GRM5: variants seen among roughly 807,000 people sequenced by gnomAD.
GRM5 encodes the protein glutamate metabotropic receptor 5, also known as metabotropic glutamate receptor 5.
In GRM5, 19 loss-of-function variants were observed where a neutral mutation model predicts 83.1. The observed-to-expected ratio is 0.23, with a 90% CI of 0.16 to 0.34. GRM5 has a LOEUF of 0.34. GRM5 is among the 10% of genes least tolerant of loss of function. The pLI is 1.00. For synonymous variants in GRM5, 675 were observed against 633.6 expected (o/e 1.07, Z -0.98); for missense variants, 1,160 against 1,588.3 (o/e 0.73, Z 4.58).
chr11:88,742,310 GAAT>G (rs755094101), intron 3 of GRM5, among the ~76,000 whole-genome samples: 21 of 151,760 alleles, frequency 1.4e-4, no homozygotes, highest in South Asian at 8.4e-4. Flanking sequence ...AAATAAGCAG[GAAT>G]AATATCATCA....
chr11:88,640,793 T>C (rs190700927), intron 4 of GRM5, among the ~76,000 whole-genome samples: 348 of 152,090 alleles, frequency 2.3e-3, no homozygotes, highest in African/African-American at 7.7e-3. Flanking sequence ...GGGGGAGGGG[T>C]GTGGAGCTTC....
At chr11:88,830,092 G>T (rs906358970) in intron 3 of GRM5, among the ~76,000 whole-genome samples, 2 of 151,754 alleles carry the variant, frequency 1.3e-5, no homozygotes, top group African/African-American at 4.8e-5. Context: ...ATAATGGAAA[G>T]AAGAAAACAA....
At chr11:88,867,090 G>A (rs929904089) in intron 2 of GRM5, among the ~76,000 whole-genome samples, 15 of 152,068 alleles carry the variant, frequency 9.9e-5, no homozygotes, top group South Asian at 2.1e-4. Flanking sequence ...TGAGTACCAC[G>A]CTGTTTTGGT....
intron 2 of GRM5, among the ~76,000 whole-genome samples, chr11:88,901,626 G>A (rs376248340): frequency 7.9e-5 from 12 of 152,224 alleles, no homozygotes; most frequent in African/African-American, 2.2e-4. Flanking sequence ...AGCTCTGAAA[G>A]TGCCAGGGAA....
chr11:88,576,281 C>T (rs1943108563), intron 7 of GRM5, among the ~76,000 whole-genome samples: 1 of 152,126 alleles, frequency 6.6e-6, no homozygotes, highest in South Asian at 2.1e-4. Flanking sequence ...ACAGGTTCCT[C>T]TCATGTGGTC....
At chr11:88,846,673 T>C (rs11021588) in intron 3 of GRM5, among the ~76,000 whole-genome samples, 3,792 of 151,986 alleles carry the variant, frequency 0.025, 139 homozygotes, top group African/African-American at 0.087. Flanking sequence ...GCTCTAAATA[T>C]AGCCTTTTTT....
intron 7 of GRM5, among the ~76,000 whole-genome samples, chr11:88,579,622 A>T (rs1263188669): frequency 6.6e-6 from 1 of 152,192 alleles, no homozygotes; most frequent in Non-Finnish European, 1.5e-5. Flanking sequence ...TTACCCTGGG[A>T]TAAGAGCCTT....
At chr11:88,523,725 A>G (rs1941770178) in intron 9 of GRM5, among the ~76,000 whole-genome samples, 1 of 152,220 alleles carries the variant, frequency 6.6e-6, no homozygotes, top group Non-Finnish European at 1.5e-5. Flanking sequence ...ATGATTGCTC[A>G]AACTGTATGC....
At chr11:88,989,114 C>A (rs1386869658) in intron 2 of GRM5, among the ~76,000 whole-genome samples, 2 of 149,056 alleles carry the variant, frequency 1.3e-5, no homozygotes, top group African/African-American at 4.9e-5. Context: ...TTCAGGAAAC[C>A]CATCTCACGT....
At chr11:88,824,757 G>A (rs920632078) in intron 3 of GRM5, among the ~76,000 whole-genome samples, 2 of 152,116 alleles carry the variant, frequency 1.3e-5, no homozygotes, top group South Asian at 2.1e-4. Context: ...CCACAGACCT[G>A]TACTGGCCCT....
At chr11:88,992,437 A>G (rs1940011777) in intron 2 of GRM5, among the ~76,000 whole-genome samples, 1 of 152,156 alleles carries the variant, frequency 6.6e-6, no homozygotes, top group Non-Finnish European at 1.5e-5. Flanking sequence ...AACTAGTTCA[A>G]CCATTGTGGA....
chr11:88,519,814 G>A (rs1194760182), intron 9 of GRM5, among the ~76,000 whole-genome samples: 2 of 152,160 alleles, frequency 1.3e-5, no homozygotes, highest in Non-Finnish European at 1.5e-5. Flanking sequence ...TGGATAGTAA[G>A]AGCACATGCT....
At chr11:89,023,253 G>A (rs1317105222) in intron 2 of GRM5, among the ~76,000 whole-genome samples, 1 of 151,974 alleles carries the variant, frequency 6.6e-6, no homozygotes, top group Admixed American at 6.6e-5. Flanking sequence ...CATCAGGGGG[G>A]TAATTGTTAT....
chr11:88,891,452 G>C (rs1945143053), intron 2 of GRM5, among the ~76,000 whole-genome samples: 1 of 151,934 alleles, frequency 6.6e-6, no homozygotes, highest in South Asian at 2.1e-4. Flanking sequence ...AGATTGTTCA[G>C]GGGGCCCCTG....
intron 4 of GRM5, among the ~76,000 whole-genome samples, chr11:88,632,407 AT>A (rs1234357471): frequency 6.6e-6 from 1 of 151,594 alleles, no homozygotes; most frequent in Non-Finnish European, 1.5e-5. Flanking sequence ...CAATGTTTCT[AT>A]TTTTTTGTAG....
intron 2 of GRM5, among the ~76,000 whole-genome samples, chr11:88,935,131 C>T (rs1029256807): frequency 6.6e-6 from 1 of 151,948 alleles, no homozygotes; most frequent in Non-Finnish European, 1.5e-5. Context: ...GATTTGGTGA[C>T]TTCACCAAGC....
At chr11:88,750,106 A>G (rs944875398) in intron 3 of GRM5, among the ~76,000 whole-genome samples, 2 of 152,202 alleles carry the variant, frequency 1.3e-5, no homozygotes, top group African/African-American at 4.8e-5. Context: ...TTAAATGTAA[A>G]TGGGCTAAAT....
chr11:88,532,068 T>C (rs1942024124), intron 8 of GRM5, among the ~76,000 whole-genome samples: 1 of 152,168 alleles, frequency 6.6e-6, no homozygotes, highest in Non-Finnish European at 1.5e-5. Flanking sequence ...GCCTGATTTC[T>C]CTAAGAAGTC....
intron 3 of GRM5, among the ~76,000 whole-genome samples, chr11:88,692,717 C>T (rs1940809555): frequency 6.6e-6 from 1 of 152,168 alleles, no homozygotes; most frequent in African/African-American, 2.4e-5. Context: ...TTTCCTCATG[C>T]CTAAAATAGA....
Sources: allele counts gnomAD v4.1 joint callset (sites outside exome capture counted in the v4.1 genomes callset), GRCh38; gene constraint gnomAD v4.1.1; transcripts MANE v1.5; gene names NCBI Gene and HGNC (gene_info 2026-07-23, HGNC 2026-07-21).